The following HIPK2 variants were observed in gnomAD, a reference collection of about 807,000 sequenced individuals.
The protein encoded by HIPK2 is homeodomain-interacting protein kinase 2.
A neutral mutation model predicts 113.7 loss-of-function variants in HIPK2; 27 were observed. That is an observed-to-expected ratio of 0.24 (90% CI 0.17 to 0.33). The LOEUF (loss-of-function observed/expected upper bound fraction) is 0.33. Among genes scored for constraint, HIPK2 ranks in the 10% least tolerant of loss-of-function variants. The pLI, the probability that HIPK2 is intolerant of heterozygous loss-of-function variation, is 1.00. For synonymous variants in HIPK2, 631 were observed against 642.2 expected (o/e 0.98, Z 0.26); for missense variants, 1,257 against 1,588.0 (o/e 0.79, Z 3.54).
intron 2 of HIPK2, among the ~76,000 whole-genome samples, chr7:139,655,334 T>G (rs1039001645): frequency 6.6e-6 from 1 of 152,212 alleles, no homozygotes; most frequent in African/African-American, 2.4e-5. Flanking sequence ...AGTCTTCCCT[T>G]TGGGACAAAG....
At position 139,567,866 on chromosome 7, in the gene HIPK2, A is replaced by T. The variant is rs994884275; in HGVS notation, c.*5061T>A. 6.6e-5 allele frequency: 10 copies of T among 152,222 alleles called. No homozygotes were observed. In the East Asian group the frequency reaches 1.9e-3, roughly 29 times the overall value. 9.4% of individuals were successfully genotyped at this position (152,222 alleles called of 1,614,324 possible). A position where few individuals can be genotyped will look rare whatever the true frequency, so the allele number is the denominator to read the frequency against. On this transcript the variant is annotated 3_prime_UTR_variant, in exon 15 of 15. Coordinates refer to ENST00000406875, the MANE Select transcript of HIPK2 (RefSeq NM_022740.5). ...ACAGGCCAACAAGAGTGGTGGTCCC[A>T]CACCCCACCCTGCCCTCAGCATCAG...
At chr7:139,577,871 G>A (rs1158892503) in intron 13 of HIPK2, among the ~76,000 whole-genome samples, 1 of 151,758 alleles carries the variant, frequency 6.6e-6, no homozygotes, top group Non-Finnish European at 1.5e-5. Flanking sequence ...TTTTTTTTGA[G>A]ATGGAGTCTT....
At chr7:139,628,202 A>C (rs1800495505) in intron 5 of HIPK2, among the ~76,000 whole-genome samples, 1 of 152,214 alleles carries the variant, frequency 6.6e-6, no homozygotes, top group African/African-American at 2.4e-5. Context: ...TTTACAGTGA[A>C]CATGGGCCTG....
At chr7:139,574,787 C>T (rs987495180) in intron 14 of HIPK2, among the ~76,000 whole-genome samples, 2 of 152,252 alleles carry the variant, frequency 1.3e-5, no homozygotes, top group East Asian at 3.8e-4. Flanking sequence ...CCCAGGCCGA[C>T]AGGGCCGGGA....
Position 139,732,456 on chromosome 7 carries a change from A to C in HIPK2, c.20-15441T>G, listed in dbSNP as rs1375346549. On this transcript the variant is annotated intron_variant, in intron 1 of 14. Transcript: ENST00000406875. ...GTTCTTGTAGCGGGGCGCCTTCCCC[A>C]CGTACATCTAAGATGTCTGATAGCT... Among the ~76,000 whole-genome samples the C allele has an allele frequency of 2.0e-5, 3 of 152,208 alleles. No homozygotes were observed. In the South Asian group the frequency reaches 6.2e-4, roughly 31 times the overall value.
intron 1 of HIPK2, among the ~76,000 whole-genome samples, chr7:139,751,601 T>C (rs1482355838): frequency 6.7e-6 from 1 of 149,800 alleles, no homozygotes; most frequent in African/African-American, 2.5e-5. Flanking sequence ...GATGGATGGA[T>C]GGATGGATGG....
intron 12 of HIPK2, among the ~76,000 whole-genome samples, chr7:139,588,676 C>T (rs976939529): frequency 2.6e-5 from 4 of 152,032 alleles, no homozygotes; most frequent in African/African-American, 9.7e-5. Context: ...ATGCTGGAGG[C>T]TGAGGACGAG....
intron 13 of HIPK2, among the ~76,000 whole-genome samples, chr7:139,577,342 G>A (rs1382851396): frequency 6.6e-6 from 1 of 151,998 alleles, no homozygotes; most frequent in East Asian, 1.9e-4. Flanking sequence ...GTAGAGACAG[G>A]GTTTCACCAT....
In HIPK2 at chr7:139,596,903, A is replaced by G; in HGVS notation, c.2531T>C (p.Met844Thr). Residue 844 changes from methionine to threonine, a missense_variant, in exon 12 of 15, where the codon ATG becomes ACG. This residue lies in a region of HIPK2 where 862 missense variants were observed against 1,004.3 expected (regional missense o/e 0.86). Coordinates refer to ENST00000406875, the MANE Select transcript of HIPK2 (RefSeq NM_022740.5). The part of the protein sequence containing the change: ...VKENTPPRCA[M>T]VHSSPACSTS... ...GCTGCAGGCCGGGCTACTGTGCACC[A>G]TGGCACAGCGGGGAGGTGTGTTCTC... 1 of 1,613,706 alleles carries G rather than the reference A, an allele frequency of 6.2e-7. No homozygotes were observed. The highest frequency in any genetic ancestry group is 1.1e-5 in the South Asian group (1 of 91,080).
chr7:139,766,133 G>C, intron 1 of HIPK2, among the ~76,000 whole-genome samples: 1 of 152,202 alleles, frequency 6.6e-6, no homozygotes, highest in Non-Finnish European at 1.5e-5. Flanking sequence ...ACTGCCTGGA[G>C]TCGATCCCAT....
At chr7:139,582,932 AG>A (rs1798715625) in intron 13 of HIPK2, among the ~76,000 whole-genome samples, 1 of 152,250 alleles carries the variant, frequency 6.6e-6, no homozygotes, top group South Asian at 2.1e-4. Flanking sequence ...GTCACCACCC[AG>A]GAAGAGTCCC....
chr7:139,695,753 G>A (rs1319464473), intron 2 of HIPK2, among the ~76,000 whole-genome samples: 1 of 151,850 alleles, frequency 6.6e-6, no homozygotes, highest in East Asian at 1.9e-4. Flanking sequence ...ACAAATTACC[G>A]AAAACTATGG....
At chr7:139,776,129 C>T (rs1215698049) in intron 1 of HIPK2, among the ~76,000 whole-genome samples, 1 of 152,200 alleles carries the variant, frequency 6.6e-6, no homozygotes, top group Non-Finnish European at 1.5e-5. Context: ...CACATGTCCA[C>T]CGGCATGTTC....
intron 1 of HIPK2, among the ~76,000 whole-genome samples, chr7:139,775,961 C>T (rs1411791450): frequency 1.3e-5 from 2 of 152,196 alleles, no homozygotes; most frequent in African/African-American, 4.8e-5. Context: ...CTTCTCTCAA[C>T]TCACCGGGAG....
intron 2 of HIPK2, among the ~76,000 whole-genome samples, chr7:139,707,001 A>T (rs1229022495): frequency 6.6e-6 from 1 of 152,192 alleles, no homozygotes; most frequent in Non-Finnish European, 1.5e-5. Flanking sequence ...AAGCAAAGCC[A>T]CAGGGGAGTT....
rs1302299723 is a variant in HIPK2, at chr7:139,572,888, A to G, written c.*39T>C. The G allele has an allele frequency of 1.6e-6, 2 of 1,282,576 alleles. No individual in the cohort carries two copies. Among genetic ancestry groups the G allele is most frequent in the South Asian group, 3.0e-5 (2 of 66,436 alleles). The allele number at this position is 1,282,576 out of a possible 1,614,324, so 79.4% of individuals were successfully genotyped here. A position where few individuals can be genotyped will look rare whatever the true frequency, so the allele number is the denominator to read the frequency against. On this transcript the variant is annotated 3_prime_UTR_variant, in exon 15 of 15. Transcript: ENST00000406875. ...CCTTCTCTCCCTCCTCCCTCGGGCC[A>G]TTCTCTCCCTCCCTCCCTCCCTCCC... is the stretch of plus-strand genomic sequence containing the variant.
intron 2 of HIPK2, among the ~76,000 whole-genome samples, chr7:139,654,165 G>A (rs1229003136): frequency 6.6e-6 from 1 of 152,188 alleles, no homozygotes; most frequent in African/African-American, 2.4e-5. Context: ...AACAGCATGA[G>A]ATACACATAA....
chr7:139,756,435 G>GT (rs976204757), intron 1 of HIPK2, among the ~76,000 whole-genome samples: 12 of 151,998 alleles, frequency 7.9e-5, no homozygotes, highest in African/African-American at 2.7e-4. Context: ...TTGTTTGTTT[G>GT]TTTTTTTGAG....
At chr7:139,685,614 T>G (rs1027507203) in intron 2 of HIPK2, among the ~76,000 whole-genome samples, 1 of 152,356 alleles carries the variant, frequency 6.6e-6, no homozygotes, top group African/African-American at 2.4e-5. Flanking sequence ...CTGGTGACTT[T>G]AAGTCGAAGC....
Sources: gnomAD v4.1 joint callset for allele counts (sites outside exome capture counted in the v4.1 genomes callset) on GRCh38, gnomAD v4.1.1 for gene constraint, gnomAD v4.1.1 regional missense constraint, MANE v1.5 for transcripts, NCBI Gene and HGNC (gene_info 2026-07-23, HGNC 2026-07-21) for gene names.